The following HRH1 variants were observed in gnomAD, a reference collection of about 807,000 sequenced individuals.
HRH1 encodes the protein histamine H1 receptor.
In HRH1, 6 loss-of-function variants were observed where a neutral mutation model predicts 10.3. That is an observed-to-expected ratio of 0.58 (90% CI 0.32 to 1.15). The LOEUF is 1.15. Ranked by LOEUF, HRH1 falls within the 50% of genes most tolerant of loss-of-function variation. The probability of loss-of-function intolerance (pLI) is 0.05; values close to 1 mark genes in which losing one functional copy is unlikely to be tolerated. For synonymous variants in HRH1, 242 were observed against 236.7 expected (o/e 1.02, Z -0.21); for missense variants, 514 against 615.3 (o/e 0.84, Z 1.74).
chr3:11,145,470 G>A (rs1054654441), intron 1 of HRH1, among the ~76,000 whole-genome samples: 2 of 152,148 alleles, frequency 1.3e-5, no homozygotes, highest in African/African-American at 4.8e-5. Context: ...CACACACAGT[G>A]TGTCTAATGC....
chr3:11,166,068 C>T (rs1366421102), intron 1 of HRH1, among the ~76,000 whole-genome samples: 1 of 152,148 alleles, frequency 6.6e-6, no homozygotes, highest in Non-Finnish European at 1.5e-5. Flanking sequence ...CATCCTGGCC[C>T]CTCCACAGTG....
At chr3:11,213,831 G>A (rs1938406155) in intron 1 of HRH1, among the ~76,000 whole-genome samples, 1 of 152,216 alleles carries the variant, frequency 6.6e-6, no homozygotes. Flanking sequence ...TCGATAAACG[G>A]TGGCTGCCCT....
In HRH1 at chr3:11,220,686, C is replaced by T. The variant is rs568188693; in HGVS notation, c.-35-38317C>T. Among the ~76,000 whole-genome samples, 24 of 152,304 alleles carry T rather than the reference C, an allele frequency of 1.6e-4. No individual in the cohort carries two copies. In the East Asian group the frequency reaches 3.5e-3, roughly 22 times the overall value. ...GTAAACCTTGTTTGCCCTCCTTTAT[C>T]GGGCTGCGCTGAACTTAAAGAACAG... is the stretch of plus-strand genomic sequence containing the variant. On this transcript the variant is annotated intron_variant, in intron 1 of 1. Transcript: ENST00000431010.
intron 1 of HRH1, among the ~76,000 whole-genome samples, chr3:11,140,052 C>T (rs1936262299): frequency 6.6e-6 from 1 of 152,180 alleles, no homozygotes; most frequent in Non-Finnish European, 1.5e-5. Flanking sequence ...TGGGCAGGTG[C>T]AGCCTTGCAG....
At chr3:11,160,865 C>G (rs920306766) in intron 1 of HRH1, among the ~76,000 whole-genome samples, 1 of 152,210 alleles carries the variant, frequency 6.6e-6, no homozygotes, top group South Asian at 2.1e-4. Flanking sequence ...GAGGGCACAT[C>G]CCAACTGGGT....
At chr3:11,140,135 G>A (rs976848374) in intron 1 of HRH1, among the ~76,000 whole-genome samples, 5 of 152,124 alleles carry the variant, frequency 3.3e-5, no homozygotes, top group African/African-American at 4.8e-5. Context: ...TACAGTGAAC[G>A]ACCCGCGCAG....
chr3:11,198,000 C>T (rs970630901), intron 1 of HRH1, among the ~76,000 whole-genome samples: 3 of 152,162 alleles, frequency 2.0e-5, no homozygotes, highest in African/African-American at 7.2e-5. Context: ...TGTTCGGCAT[C>T]ATTTATTCTA....
intron 1 of HRH1, among the ~76,000 whole-genome samples, chr3:11,213,503 C>T (rs1938393866): frequency 6.6e-6 from 1 of 152,192 alleles, no homozygotes; most frequent in Non-Finnish European, 1.5e-5. Context: ...TCCTCTGAAG[C>T]CTAGAAAGTC....
intron 1 of HRH1, among the ~76,000 whole-genome samples, chr3:11,138,212 C>T (rs1391733084): frequency 4.4e-5 from 6 of 136,044 alleles, no homozygotes; most frequent in Admixed American, 8.6e-5. Flanking sequence ...TTAGTAGAGA[C>T]GGGGTTTCAC....
At chr3:11,185,431 G>A (rs1465705370) in intron 1 of HRH1, among the ~76,000 whole-genome samples, 1 of 152,166 alleles carries the variant, frequency 6.6e-6, no homozygotes, top group Non-Finnish European at 1.5e-5. Context: ...GCACTGCAGG[G>A]TAATTATTTA....
At chr3:11,226,963 A>G (rs1264165389) in intron 1 of HRH1, among the ~76,000 whole-genome samples, 1 of 152,038 alleles carries the variant, frequency 6.6e-6, no homozygotes, top group Admixed American at 6.5e-5. Context: ...ATGTGGGGCC[A>G]GGGTGCTTCT....
intron 1 of HRH1, among the ~76,000 whole-genome samples, chr3:11,163,458 C>G (rs1936965377): frequency 6.6e-6 from 1 of 152,142 alleles, no homozygotes; most frequent in African/African-American, 2.4e-5. Flanking sequence ...GAACAGTGGT[C>G]AAAACATGGG....
intron 1 of HRH1, among the ~76,000 whole-genome samples, chr3:11,139,811 G>T (rs1341496126): frequency 6.6e-6 from 1 of 152,152 alleles, no homozygotes; most frequent in Non-Finnish European, 1.5e-5. Context: ...CAGATTCATG[G>T]TCGCCAAGAG....
intron 1 of HRH1, among the ~76,000 whole-genome samples, chr3:11,158,088 C>G (rs1180863074): frequency 6.6e-6 from 1 of 152,220 alleles, no homozygotes; most frequent in Non-Finnish European, 1.5e-5. Flanking sequence ...AATTGGGCCT[C>G]AGCTTTCTTA....
chr3:11,254,391 A>G (rs761717866), intron 1 of HRH1, among the ~76,000 whole-genome samples: 4 of 152,156 alleles, frequency 2.6e-5, no homozygotes, highest in Admixed American at 6.5e-5. Flanking sequence ...TGACTACAGA[A>G]CCAGATCCGG....
At chr3:11,234,206 A>G (rs1939114366) in intron 1 of HRH1, 1 of 1,233,736 alleles carries the variant, frequency 8.1e-7, no homozygotes, top group Non-Finnish European at 1.1e-6. Flanking sequence ...GTCTTTTGCA[A>G]AAGGTCCACT....
At chr3:11,141,732 A>T (rs1023442462) in intron 1 of HRH1, among the ~76,000 whole-genome samples, 11 of 152,358 alleles carry the variant, frequency 7.2e-5, no homozygotes, top group African/African-American at 2.6e-4. Context: ...TCACTTCTGC[A>T]GTATTCTATT....
chr3:11,175,180 A>G (rs923103982), intron 1 of HRH1, among the ~76,000 whole-genome samples: 2 of 152,198 alleles, frequency 1.3e-5, no homozygotes, highest in Non-Finnish European at 2.9e-5. Flanking sequence ...TAATCATGAT[A>G]ATAGCAGCTT....
chr3:11,139,005 T>TTAGGAC (rs1559248144), intron 1 of HRH1, among the ~76,000 whole-genome samples: 11 of 75,976 alleles, frequency 1.4e-4, no homozygotes, highest in East Asian at 5.1e-4. Context: ...TTTTTTTTTT[T>TTAGGAC]AGAAAGAATT....
Sources: gnomAD v4.1 joint callset for allele counts (sites outside exome capture counted in the v4.1 genomes callset) on GRCh38, gnomAD v4.1.1 for gene constraint, MANE v1.5 for transcripts, NCBI Gene and HGNC (gene_info 2026-07-23, HGNC 2026-07-21) for gene names.